The following TJP1 variants were observed in gnomAD, a reference collection of about 807,000 sequenced individuals.
TJP1 encodes the protein tight junction protein ZO-1.
TJP1 carries 43 observed loss-of-function variants against 194.2 expected under a neutral mutation model. The ratio of observed to expected loss-of-function variants is 0.22; its 90% CI spans 0.17 to 0.29. TJP1 has a LOEUF of 0.29. Among genes scored for constraint, TJP1 ranks in the 10% least tolerant of loss-of-function variants. The probability of loss-of-function intolerance (pLI) is 1.00; values close to 1 mark genes in which losing one functional copy is unlikely to be tolerated. For synonymous variants in TJP1, 801 were observed against 779.0 expected (o/e 1.03, Z -0.47); for missense variants, 1,971 against 2,185.7 (o/e 0.90, Z 1.96).
rs2041760733 is a variant in TJP1, at chr15:29,704,425, A to G, written c.5069-120T>C. The G allele has an allele frequency of 2.5e-6, 3 of 1,187,960 alleles. No individual in the cohort carries two copies. The East Asian group carries it at 7.9e-5, about 31-fold the overall frequency. 73.6% of individuals were successfully genotyped at this position (1,187,960 alleles called of 1,614,324 possible). A position where few individuals can be genotyped will look rare whatever the true frequency, so the allele number is the denominator to read the frequency against. ...AAGCCTAATGGAGTTAGTTCTCTAC[A>G]GTCGCACTGACCACAAAAAAACGTA... On this transcript the variant is annotated intron_variant, in intron 26 of 27. Transcript: ENST00000614355.
intron 2 of TJP1, among the ~76,000 whole-genome samples, chr15:29,948,045 T>C (rs61441097): frequency 0.1 from 15,355 of 152,130 alleles, 942 homozygotes; most frequent in South Asian, 0.21. Flanking sequence ...GGTGGGCGGA[T>C]CACGAGGTCA....
Position 29,726,396 on chromosome 15 carries a change from A to G in TJP1, c.2395T>C (p.Trp799Arg). Reference protein sequence around the residue: ...AIQQQQNQLVWVSEGKADGAT... With the variant: ...AIQQQQNQLVRVSEGKADGAT... ...TGTCTTACCTTTCCCTCGGAAACCCATACCAGCTGGTTTTGCTGTTGTTGA... is the reference window on the plus strand; with the variant it reads ...TGTCTTACCTTTCCCTCGGAAACCCGTACCAGCTGGTTTTGCTGTTGTTGA... The change falls in exon 18 of 28, where the codon TGG (tryptophan) becomes CGG (arginine). Residue 799 changes from tryptophan to arginine, a missense_variant. Trp to Arg is a moderately radical substitution (Grantham distance 101). Around this residue, in one of 5 missense-constraint regions of TJP1, gnomAD observed 402 missense variants for 484.2 expected, o/e 0.83. Transcript: ENST00000614355. The G allele has an allele frequency of 6.2e-7, 1 of 1,614,100 alleles. No individual in the cohort carries two copies. Among genetic ancestry groups the G allele is most frequent in the Non-Finnish European group, 8.5e-7 (1 of 1,179,976 alleles).
chr15:29,916,686 T>C (rs1016118185), intron 2 of TJP1, among the ~76,000 whole-genome samples: 1 of 152,188 alleles, frequency 6.6e-6, no homozygotes, highest in African/African-American at 2.4e-5. Flanking sequence ...TTCTAAAATA[T>C]TTGGTTGCAA....
chr15:29,741,178 A>AATTT, intron 10 of TJP1, 153 bp downstream of exon 10: 1 of 602,308 alleles, frequency 1.7e-6, no homozygotes, highest in Non-Finnish European at 2.8e-6. Flanking sequence ...TATCATATAT[A>AATTT]AGTAGCAGAA....
chr15:29,956,183 C>A (rs950387542), intron 2 of TJP1: 13 of 1,134,636 alleles, frequency 1.1e-5, no homozygotes, highest in Non-Finnish European at 1.4e-5. Flanking sequence ...AAAATAAAAA[C>A]TTTCATACTC....
At chr15:29,958,208 C>T (rs1342980041) in intron 1 of TJP1, among the ~76,000 whole-genome samples, 2 of 151,922 alleles carry the variant, frequency 1.3e-5, no homozygotes, top group South Asian at 2.1e-4. Flanking sequence ...TGATAATTTT[C>T]CCATCTACAT....
intron 2 of TJP1, among the ~76,000 whole-genome samples, chr15:29,925,140 C>T (rs987593023): frequency 2.0e-5 from 3 of 152,222 alleles, no homozygotes; most frequent in Non-Finnish European, 4.4e-5. Flanking sequence ...CAATTTCCAA[C>T]CACTTGTCTA....
At chr15:29,847,741 C>T (rs758788105) in intron 2 of TJP1, among the ~76,000 whole-genome samples, 27 of 151,920 alleles carry the variant, frequency 1.8e-4, no homozygotes, top group Non-Finnish European at 2.8e-4. Flanking sequence ...GCAGAGATCG[C>T]GCTACTGCAC....
chr15:29,783,408 G>A (rs1008769877), intron 2 of TJP1, among the ~76,000 whole-genome samples: 24 of 152,152 alleles, frequency 1.6e-4, no homozygotes, highest in African/African-American at 5.3e-4. Context: ...GTTGGGGAAG[G>A]CAGTATGGCA....
At chr15:29,914,012 A>C (rs2054103859) in intron 2 of TJP1, among the ~76,000 whole-genome samples, 1 of 152,140 alleles carries the variant, frequency 6.6e-6, no homozygotes, top group African/African-American at 2.4e-5. Context: ...TGCTTTCCAC[A>C]TTCTCATGGC....
intron 22 of TJP1, 82 bp from the exon 23 acceptor site, chr15:29,716,920 GACTAAAAGGTCAATAATT>G: frequency 8.3e-7 from 1 of 1,205,216 alleles, no homozygotes; most frequent in South Asian, 1.5e-5. Flanking sequence ...GTCTTATCTT[GACTAAAAGGTCAATAATT>G]ACTAACTGCT....
rs765565993 is a variant in TJP1 at position 29,705,599 on chromosome 15, C to T, written c.4997G>A (p.Gly1666Glu). ...IIIPQGAIPEGVEQEIYFKVC... is the reference protein window; with the variant it reads ...IIIPQGAIPEEVEQEIYFKVC... ...CTTGAAATAGATTTCCTGCTCAACT[C>T]CTTCGGGAATGGCTCCTTGAGGGAT... The change falls in exon 26 of 28, where the codon GGA (glycine) becomes GAA (glutamate). Residue 1666 changes from glycine (G) to glutamate (E), a missense_variant. This residue lies in a region of TJP1 where 1,108 missense variants were observed against 1,128.5 expected (regional missense o/e 0.98). Coordinates refer to ENST00000614355, the MANE Select transcript of TJP1 (RefSeq NM_001330239.4). 1.2e-5 allele frequency: 20 copies of T among 1,614,116 alleles called. No homozygotes were observed. Among genetic ancestry groups the T allele is most frequent in the Non-Finnish European group, 1.5e-5 (18 of 1,180,050 alleles).
chr15:29,853,363 C>G (rs2051720326), intron 2 of TJP1, among the ~76,000 whole-genome samples: 1 of 152,124 alleles, frequency 6.6e-6, no homozygotes, highest in African/African-American at 2.4e-5. Context: ...TGAACCAATG[C>G]AGGTGATACT....
chr15:29,746,587 T>C (rs1295496538), intron 8 of TJP1, among the ~76,000 whole-genome samples: 1 of 151,968 alleles, frequency 6.6e-6, no homozygotes, highest in African/African-American at 2.4e-5. Context: ...ATAGCCAAAA[T>C]AGTAGCCAAG....
intron 2 of TJP1, among the ~76,000 whole-genome samples, chr15:29,887,078 T>A (rs1259787052): frequency 6.6e-6 from 1 of 151,752 alleles, no homozygotes; most frequent in Non-Finnish European, 1.5e-5. Context: ...CACCCATCCA[T>A]ATTCAGAAGA....
chr15:29,932,284 G>C lies in TJP1; in HGVS notation c.306+23948C>G, dbSNP rs540261056. On this transcript the variant is annotated intron_variant, in intron 2 of 28. Coordinates refer to the TJP1 transcript ENST00000356107. ...TAACTAAGACAGGTTTCTACACAGGGAGAGGTAAACAGACCAAGGGAAAAT... is the reference window on the plus strand; with the variant it reads ...TAACTAAGACAGGTTTCTACACAGGCAGAGGTAAACAGACCAAGGGAAAAT... 7.2e-5 allele frequency among the ~76,000 whole-genome samples: 11 copies of C among 152,262 alleles called. No homozygotes were observed. In the South Asian group the frequency reaches 1.2e-3, roughly 17 times the overall value.
At chr15:29,938,515 GA>G (rs1314445350) in intron 2 of TJP1, among the ~76,000 whole-genome samples, 1 of 152,058 alleles carries the variant, frequency 6.6e-6, no homozygotes, top group Non-Finnish European at 1.5e-5. Flanking sequence ...AAGTAAACAA[GA>G]AAAAAAGCTT....
intron 2 of TJP1, among the ~76,000 whole-genome samples, chr15:29,924,332 A>G (rs2054458918): frequency 6.6e-6 from 1 of 152,174 alleles, no homozygotes; most frequent in South Asian, 2.1e-4. Context: ...CGGCCTCCCA[A>G]CATGCTGGGA....
At chr15:29,949,445 A>ACAACC (rs2055472099) in intron 2 of TJP1, among the ~76,000 whole-genome samples, 1 of 137,282 alleles carries the variant, frequency 7.3e-6, no homozygotes, top group African/African-American at 2.7e-5. Context: ...CTCCACCTCC[A>ACAACC]CCTTCACCAC....
Sources: gnomAD v4.1 joint callset for allele counts (sites outside exome capture counted in the v4.1 genomes callset) on GRCh38, gnomAD v4.1.1 for gene constraint, gnomAD v4.1.1 regional missense constraint, MANE v1.5 for transcripts, NCBI Gene and HGNC (gene_info 2026-07-23, HGNC 2026-07-21) for gene names.